The following SMPDL3A variants were observed in gnomAD, a reference collection of about 807,000 sequenced individuals.
The protein encoded by SMPDL3A is sphingomyelin phosphodiesterase acid like 3A, also known as cyclic GMP-AMP phosphodiesterase SMPDL3A.
SMPDL3A carries 39 observed loss-of-function variants against 38.5 expected under a neutral mutation model. The observed-to-expected ratio is 1.01, with a 90% CI of 0.78 to 1.32. The LOEUF (loss-of-function observed/expected upper bound fraction) is 1.32, where lower values mean the gene tolerates loss of function less well. Ranked by LOEUF, SMPDL3A falls within the 40% of genes most tolerant of loss-of-function variation. SMPDL3A has a pLI of 0.00. For synonymous variants in SMPDL3A, 180 were observed against 194.3 expected, an observed-to-expected ratio of 0.93 and a Z score of 0.61; for missense variants, 502 against 536.2, an observed-to-expected ratio of 0.94 and a Z score of 0.63.
chr6:122,806,429 T>C, intron 7 of SMPDL3A, 72 bp downstream of exon 7: 5 of 1,461,206 alleles, frequency 3.4e-6, no homozygotes, highest in Non-Finnish European at 4.7e-6. Context: ...TTTAGTTGAA[T>C]TTTTCTCAGG....
intron 1 of SMPDL3A, among the ~76,000 whole-genome samples, chr6:122,794,845 A>T (rs1781190267): frequency 6.6e-6 from 1 of 152,172 alleles, no homozygotes; most frequent in African/African-American, 2.4e-5. Flanking sequence ...TCTTTGAATT[A>T]ATGTTGAGAG....
At chr6:122,799,522 A>T (rs763576845) in intron 3 of SMPDL3A, among the ~76,000 whole-genome samples, 5 of 152,358 alleles carry the variant, frequency 3.3e-5, no homozygotes, top group African/African-American at 4.8e-5. Context: ...CTTGGCATCC[A>T]TCCCAAAGTA....
chr6:122,800,534 C>T (rs1781394148), intron 3 of SMPDL3A, among the ~76,000 whole-genome samples: 1 of 152,204 alleles, frequency 6.6e-6, no homozygotes, highest in Non-Finnish European at 1.5e-5. Flanking sequence ...ATATCCTAGC[C>T]ATGCTAAAAC....
In SMPDL3A at chr6:122,806,360, A is replaced by C. The variant is rs764575076; in HGVS notation, c.1044+3A>C. ...ATCCTCGTGATTATAAATTATTGGT[A>C]AGTTGGCAGATTTCAGAGCTGACCC... On this transcript the variant is annotated splice_donor_region_variant and intron_variant, in intron 7 of 7. Coordinates refer to ENST00000368440, the MANE Select transcript of SMPDL3A (RefSeq NM_006714.5). 7 of 1,600,888 alleles carry C rather than the reference A, an allele frequency of 4.4e-6. No homozygotes were observed. In the South Asian group the frequency reaches 7.9e-5, roughly 18 times the overall value.
At chr6:122,805,840 G>A (rs936237993) in intron 6 of SMPDL3A, among the ~76,000 whole-genome samples, 5 of 152,068 alleles carry the variant, frequency 3.3e-5, no homozygotes, top group African/African-American at 9.7e-5. Flanking sequence ...TGATCTGCCC[G>A]CCTCGGCCTC....
intron 4 of SMPDL3A, among the ~76,000 whole-genome samples, chr6:122,802,336 G>T (rs1210355467): frequency 1.3e-5 from 2 of 151,790 alleles, no homozygotes; most frequent in Admixed American, 1.3e-4. Flanking sequence ...TGAGTAGCTG[G>T]GATTACAGGC....
chr6:122,808,176 A>G (rs1388981677), intron 7 of SMPDL3A, among the ~76,000 whole-genome samples: 1 of 152,260 alleles, frequency 6.6e-6, no homozygotes, highest in East Asian at 1.9e-4. Flanking sequence ...ATAAGTATGC[A>G]CATTCCAAAT....
At chr6:122,797,072 A>T (rs1781273480) in intron 3 of SMPDL3A, 104 bp downstream of exon 3, 1 of 890,376 alleles carries the variant, frequency 1.1e-6, no homozygotes, top group Non-Finnish European at 1.8e-6. Flanking sequence ...AATGGGTCTT[A>T]TAGAGGGAGA....
At chr6:122,804,218 C>T (rs971207560) in intron 5 of SMPDL3A, among the ~76,000 whole-genome samples, 3 of 152,010 alleles carry the variant, frequency 2.0e-5, no homozygotes, top group African/African-American at 7.2e-5. Context: ...GAACTACTGA[C>T]CTAGGTGATC....
At chr6:122,807,454 G>A (rs1320503557) in intron 7 of SMPDL3A, among the ~76,000 whole-genome samples, 1 of 152,156 alleles carries the variant, frequency 6.6e-6, no homozygotes, top group Non-Finnish European at 1.5e-5. Context: ...AGCCGAGATT[G>A]CGCCACTGCA....
intron 3 of SMPDL3A, among the ~76,000 whole-genome samples, chr6:122,798,473 C>T (rs1781324689): frequency 6.6e-6 from 1 of 152,174 alleles, no homozygotes; most frequent in Admixed American, 6.5e-5. Context: ...GCCACCACAC[C>T]TCCCTCCCAG....
Position 122,796,917 on chromosome 6 carries a change from T to C in SMPDL3A, c.420T>C (p.Phe140=). The change falls in exon 3 of 8, where the codon TTT becomes TTC. Residue 140 remains phenylalanine (F), a synonymous_variant. Transcript: ENST00000368440. ...TGACAACCACCATCCAGAGTCTCTT[T>C]CCAAATCTCCAGGTTTTCCCTGCGC... ...TNMTTTIQSL[F]PNLQVFPALG... The C allele has an allele frequency of 1.2e-6, 2 of 1,613,712 alleles. No homozygotes were observed. Among genetic ancestry groups the C allele is most frequent in the Non-Finnish European group, 1.7e-6 (2 of 1,179,674 alleles).
chr6:122,809,631 A>G lies in SMPDL3A; in HGVS notation c.*223A>G, dbSNP rs1582565986. 1 of 382,636 alleles carries G rather than the reference A, an allele frequency of 2.6e-6. No individual in the cohort carries two copies. The highest frequency in any genetic ancestry group is 2.0e-5 in the African/African-American group (1 of 48,818). 23.7% of individuals were successfully genotyped at this position (382,636 alleles called of 1,614,324 possible). The stretch of plus-strand genomic sequence containing the variant: ...TAATAGAATGATGGATGTAAATTGG[A>G]TGTAAATATTCAGTTTATATAATTA... On this transcript the variant is annotated 3_prime_UTR_variant, in exon 8 of 8. Coordinates refer to ENST00000368440, the MANE Select transcript of SMPDL3A (RefSeq NM_006714.5).
chr6:122,806,485 T>A, intron 7 of SMPDL3A, 128 bp downstream of exon 7: 2 of 952,306 alleles, frequency 2.1e-6, no homozygotes, highest in Non-Finnish European at 3.1e-6. Flanking sequence ...CTGGCATCCT[T>A]CTTCTTTTTT....
intron 4 of SMPDL3A, 55 bp from the exon 5 acceptor site, chr6:122,803,609 A>G (rs1046813452): frequency 1.9e-5 from 26 of 1,389,974 alleles, no homozygotes; most frequent in East Asian, 2.3e-5. Context: ...TGCTTTCACA[A>G]TGTTTGTGTG....
chr6:122,803,089 G>A (rs151194497), intron 4 of SMPDL3A, among the ~76,000 whole-genome samples: 41 of 152,280 alleles, frequency 2.7e-4, no homozygotes, highest in African/African-American at 9.4e-4. Context: ...AGAAAGCTGG[G>A]CCAGATCTTA....
intron 7 of SMPDL3A, 129 bp from the exon 8 acceptor site, chr6:122,808,962 A>G (rs1781758863): frequency 1.4e-6 from 1 of 720,034 alleles, no homozygotes. Context: ...TCAAAGTGCT[A>G]GGATTACAGG....
rs969767623 is a variant in SMPDL3A, at chr6:122,805,388, C to A, written c.919+299C>A. Reference sequence around the variant, plus strand: ...TCACTCAAATGTTCTTTTAAATCTTCGAGTTTAAAGAAATATCACTCTATT... The same window carrying A: ...TCACTCAAATGTTCTTTTAAATCTTAGAGTTTAAAGAAATATCACTCTATT... On this transcript the variant is annotated intron_variant, in intron 6 of 7. Transcript: ENST00000368440. Among the ~76,000 whole-genome samples the A allele has an allele frequency of 2.0e-4, 31 of 152,260 alleles. 3 individuals are homozygous for A. Among genetic ancestry groups the A allele is most frequent in the Admixed American group, 1.6e-3 (25 of 15,288 alleles).
At chr6:122,807,418 G>A (rs1240780501) in intron 7 of SMPDL3A, among the ~76,000 whole-genome samples, 2 of 152,192 alleles carry the variant, frequency 1.3e-5, no homozygotes, top group Non-Finnish European at 2.9e-5. Flanking sequence ...AGAATGGCGT[G>A]AACCTGGGAG....
Sources: gnomAD v4.1 joint callset for allele counts (sites outside exome capture counted in the v4.1 genomes callset) on GRCh38, gnomAD v4.1.1 for gene constraint, MANE v1.5 for transcripts, NCBI Gene and HGNC (gene_info 2026-07-23, HGNC 2026-07-21) for gene names.